CMIP: variants seen among roughly 807,000 people sequenced by gnomAD.
CMIP encodes the protein C-Maf-inducing protein.
Under a neutral mutation model 97.3 loss-of-function variants are expected in CMIP, and 13 were observed. The ratio of observed to expected loss-of-function variants is 0.13; its 90% CI spans 0.09 to 0.21. The LOEUF is 0.21. CMIP is among the 10% of genes least tolerant of loss of function. The pLI is 1.00. For synonymous variants in CMIP, 538 were observed against 436.3 expected (o/e 1.23, Z -2.91); for missense variants, 847 against 1,024.9 (o/e 0.83, Z 2.37).
chr16:81,594,560 C>G (rs1236553748), intron 1 of CMIP, among the ~76,000 whole-genome samples: 1 of 152,110 alleles, frequency 6.6e-6, no homozygotes, highest in Admixed American at 6.5e-5. Flanking sequence ...AGTACTAAAT[C>G]CTATATACAC....
At chr16:81,528,798 C>T (rs2090178736) in intron 1 of CMIP, among the ~76,000 whole-genome samples, 1 of 152,212 alleles carries the variant, frequency 6.6e-6, no homozygotes, top group South Asian at 2.1e-4. Flanking sequence ...TTCATGCCTG[C>T]TCGCCCTGCT....
chr16:81,506,782 A>G (rs2089716807), intron 1 of CMIP, among the ~76,000 whole-genome samples: 1 of 152,044 alleles, frequency 6.6e-6, no homozygotes, highest in Admixed American at 6.6e-5. Context: ...GTGTGCGCCT[A>G]TAGCCCCAGC....
chr16:81,489,045 A>G (rs952210871), intron 1 of CMIP, among the ~76,000 whole-genome samples: 4 of 145,126 alleles, frequency 2.8e-5, no homozygotes, highest in African/African-American at 7.8e-5. Flanking sequence ...TTCTTTTGTT[A>G]TTCATTCATT....
rs1390720985 is a variant in CMIP, at chr16:81,626,603, CG to C, written c.477+5679del. Among the ~76,000 whole-genome samples the C allele has an allele frequency of 4.8e-5, 4 of 83,058 alleles. No homozygotes were observed. In the East Asian group the frequency reaches 1.6e-3, roughly 33 times the overall value. 54.5% of individuals were successfully genotyped at this position (83,058 alleles called of 152,430 possible). A position where few individuals can be genotyped will look rare whatever the true frequency, so the allele number is the denominator to read the frequency against. On this transcript the variant is annotated intron_variant, in intron 3 of 20. Coordinates refer to ENST00000537098, the MANE Select transcript of CMIP (RefSeq NM_198390.3). ...AGTGTGTGAGTGGTGTGTGGGGTGA[CG>C]GTGTGCGTGTGTGTGTGGTGTGTGG... is the stretch of plus-strand genomic sequence containing the variant.
At chr16:81,494,310 A>G (rs2150769584) in intron 1 of CMIP, among the ~76,000 whole-genome samples, 1 of 152,290 alleles carries the variant, frequency 6.6e-6, no homozygotes, top group East Asian at 1.9e-4. Flanking sequence ...AGCCAGCTGC[A>G]GGTGTTTCCA....
chr16:81,693,526 G>T, intron 13 of CMIP, 39 bp downstream of exon 13: 3 of 1,596,694 alleles, frequency 1.9e-6, no homozygotes, highest in South Asian at 2.3e-5. Context: ...CGGCTGTCTG[G>T]GGATGGCAGG....
chr16:81,594,876 C>T (rs182595929), intron 1 of CMIP, among the ~76,000 whole-genome samples: 30 of 149,706 alleles, frequency 2.0e-4, no homozygotes, highest in Admixed American at 6.0e-4. Flanking sequence ...ATGATCCGCC[C>T]GCCTCGGCCT....
intron 3 of CMIP, among the ~76,000 whole-genome samples, chr16:81,642,925 G>T (rs185939633): frequency 2.0e-5 from 3 of 152,108 alleles, no homozygotes; most frequent in Non-Finnish European, 4.4e-5. Flanking sequence ...AAATTGCAGC[G>T]TATCCATGCA....
At chr16:81,498,838 G>A (rs1161170587) in intron 1 of CMIP, among the ~76,000 whole-genome samples, 4 of 152,146 alleles carry the variant, frequency 2.6e-5, no homozygotes, top group Non-Finnish European at 1.5e-5. Context: ...TGTGCACACA[G>A]TCCCAGTTAG....
chr16:81,520,893 G>C (rs1160669930), intron 1 of CMIP, among the ~76,000 whole-genome samples: 5 of 152,154 alleles, frequency 3.3e-5, no homozygotes, highest in African/African-American at 1.2e-4. Context: ...TGGTGCCTGG[G>C]TCTCCCGTAG....
chr16:81,587,316 C>T (rs377481219), intron 1 of CMIP, among the ~76,000 whole-genome samples: 124 of 152,218 alleles, frequency 8.1e-4, no homozygotes, highest in Non-Finnish European at 4.4e-4. Flanking sequence ...ACCACCTCTG[C>T]TCATTATATG....
intron 1 of CMIP, among the ~76,000 whole-genome samples, chr16:81,500,931 G>GA (rs1468198506): frequency 6.6e-6 from 1 of 152,188 alleles, no homozygotes; most frequent in Non-Finnish European, 1.5e-5. Context: ...ACTAACAAGA[G>GA]AAGAAAAACC....
At chr16:81,585,729 C>T (rs1425261206) in intron 1 of CMIP, among the ~76,000 whole-genome samples, 15 of 126,628 alleles carry the variant, frequency 1.2e-4, no homozygotes, top group Admixed American at 1.0e-3. Context: ...TTTGCATCTG[C>T]TGGAGGATTG....
At chr16:81,445,904 C>A (rs571123175) in intron 1 of CMIP, among the ~76,000 whole-genome samples, 6 of 151,612 alleles carry the variant, frequency 4.0e-5, no homozygotes, top group Non-Finnish European at 8.8e-5. Flanking sequence ...TCTGGAAGCC[C>A]CTGGCCCATC....
rs1330208305 is a variant in CMIP, at chr16:81,699,810, C to T, written c.1755+9C>T. On this transcript the variant is annotated intron_variant, in intron 15 of 20. Coordinates refer to ENST00000537098, the MANE Select transcript of CMIP (RefSeq NM_198390.3). ...ACCAGACCATGGTGGAGGTAAGGAG[C>T]TGGTCGGGGTCCCTGGTGGGGTGGC... 1.3e-6 allele frequency: 2 copies of T among 1,584,584 alleles called. No individual in the cohort carries two copies. The highest frequency in any genetic ancestry group is 1.7e-6 in the Non-Finnish European group (2 of 1,155,682).
At chr16:81,483,326 G>GT (rs34106287) in intron 1 of CMIP, among the ~76,000 whole-genome samples, 90,826 of 151,660 alleles carry the variant, frequency 0.6, 27,535 homozygotes, top group East Asian at 0.8. Context: ...AATTTACCTG[G>GT]TTTTTTTTCT....
At chr16:81,626,827 TG>T (rs2092077210) in intron 3 of CMIP, among the ~76,000 whole-genome samples, 1 of 121,718 alleles carries the variant, frequency 8.2e-6, no homozygotes, top group African/African-American at 3.0e-5. Flanking sequence ...GGGGTGCATA[TG>T]GGGTGACTAT....
chr16:81,543,033 G>A (rs780353729), intron 1 of CMIP, among the ~76,000 whole-genome samples: 9 of 152,202 alleles, frequency 5.9e-5, no homozygotes, highest in Non-Finnish European at 1.0e-4. Context: ...GAGCCAGTCC[G>A]TTCCACGGGG....
chr16:81,615,516 G>C (rs2091903981), intron 2 of CMIP, among the ~76,000 whole-genome samples: 1 of 138,116 alleles, frequency 7.2e-6, no homozygotes, highest in South Asian at 2.4e-4. Context: ...TCTGTGTGCA[G>C]GTGTATGTGT....
Sources: gnomAD v4.1 joint callset for allele counts (sites outside exome capture counted in the v4.1 genomes callset) on GRCh38, gnomAD v4.1.1 for gene constraint, MANE v1.5 for transcripts, NCBI Gene and HGNC (gene_info 2026-07-23, HGNC 2026-07-21) for gene names.